UTF1: variants seen among roughly 807,000 people sequenced by gnomAD.
The protein encoded by UTF1 is undifferentiated embryonic cell transcription factor 1.
Under a neutral mutation model 11.8 loss-of-function variants are expected in UTF1, and 8 were observed. That is an observed-to-expected ratio of 0.68 (90% CI 0.40 to 1.23). UTF1 has a LOEUF of 1.23. UTF1 is among the 50% of genes most tolerant of loss of function. The pLI, the probability that UTF1 is intolerant of heterozygous loss-of-function variation, is 0.01. For missense variants in UTF1, 545 were observed against 542.1 expected, an observed-to-expected ratio of 1.01 and a Z score of -0.05; for synonymous variants, 344 against 271.7, an observed-to-expected ratio of 1.27 and a Z score of -2.62.
Position 133,230,235 on chromosome 10 carries a change from C to T in UTF1, c.-54C>T. On this transcript the variant is annotated 5_prime_UTR_variant, in exon 1 of 2. Coordinates refer to ENST00000304477, the MANE Select transcript of UTF1 (RefSeq NM_003577.3). ...GATGCTCAGAACGCGTGTGGGCGGCCCGGGCGGCGTCTGGCCCTCTCCCCA... is the reference window on the plus strand; with the variant it reads ...GATGCTCAGAACGCGTGTGGGCGGCTCGGGCGGCGTCTGGCCCTCTCCCCA... 1 of 1,029,040 alleles carries T rather than the reference C, an allele frequency of 9.7e-7. No individual in the cohort carries two copies. The allele number at this position is 1,029,040 out of a possible 1,614,324, so 63.7% of individuals were successfully genotyped here.
In UTF1 at chr10:133,230,684, G is replaced by A; in HGVS notation, c.396G>A (p.Pro132=). 1 of 1,487,782 alleles carries A rather than the reference G, an allele frequency of 6.7e-7. No individual in the cohort carries two copies. Among genetic ancestry groups the A allele is most frequent in the Non-Finnish European group, 8.9e-7 (1 of 1,126,884 alleles). The allele number at this position is 1,487,782 out of a possible 1,614,324, so 92.2% of individuals were successfully genotyped here. A position where few individuals can be genotyped will look rare whatever the true frequency, so the allele number is the denominator to read the frequency against. ...KDKFREAHGQ[P]PGPFDEQIRK... is the part of the protein sequence containing the mutation. ...AGTTTCGCGAGGCGCACGGCCAGCC[G>A]CCCGGGCCCTTCGACGAGCAGATCC... Residue 132 remains proline, a synonymous_variant, in exon 1 of 2, where the codon CCG becomes CCA. Coordinates refer to ENST00000304477, the MANE Select transcript of UTF1 (RefSeq NM_003577.3).
rs761337732 is a variant in UTF1 at position 133,231,353 on chromosome 10, G to C, written c.937G>C (p.Ala313Pro). The change falls in exon 2 of 2, where the codon GCC becomes CCC. Residue 313 changes from alanine to proline, a missense_variant. Physicochemically the swap from Ala to Pro is conservative, Grantham distance 27. This residue lies in a region of UTF1 where 394 missense variants were observed against 341.5 expected (regional missense o/e 1.15). Coordinates refer to ENST00000304477, the MANE Select transcript of UTF1 (RefSeq NM_003577.3). ...CCAGCACGTGGAGCAGCTGCGCGGCGCCTTCGACCAGACAGTGTCCCTGGC... is the reference window on the plus strand; with the variant it reads ...CCAGCACGTGGAGCAGCTGCGCGGCCCCTTCGACCAGACAGTGTCCCTGGC... ...LNQHVEQLRGAFDQTVSLAVG... is the reference protein window; with the variant it reads ...LNQHVEQLRGPFDQTVSLAVG... 1 of 1,596,600 alleles carries C rather than the reference G, an allele frequency of 6.3e-7. No homozygotes were observed. Among genetic ancestry groups the C allele is most frequent in the Non-Finnish European group, 8.5e-7 (1 of 1,175,952 alleles).
Position 133,230,493 on chromosome 10 carries a change from G to A in UTF1, c.205G>A (p.Glu69Lys). The A allele has an allele frequency of 2.8e-6, 4 of 1,443,900 alleles. No individual in the cohort carries two copies. Among genetic ancestry groups the A allele is most frequent in the South Asian group, 2.6e-5 (2 of 75,762 alleles). The allele number at this position is 1,443,900 out of a possible 1,614,324, so 89.4% of individuals were successfully genotyped here. A position where few individuals can be genotyped will look rare whatever the true frequency, so the allele number is the denominator to read the frequency against. Residue 69 changes from glutamate (E) to lysine (K), a missense_variant, in exon 1 of 2, where the codon GAG becomes AAG. Transcript: ENST00000304477. Reference sequence around the variant, plus strand: ...CACGCCCTGGAGCGCCCGGGAGACGGAGCTGCTGCTGGGGACGCTGCTGCA... The same window carrying A: ...CACGCCCTGGAGCGCCCGGGAGACGAAGCTGCTGCTGGGGACGCTGCTGCA... Reference protein sequence around the residue: ...QRTPWSARETELLLGTLLQPA... With the variant: ...QRTPWSARETKLLLGTLLQPA...
At position 133,231,373 on chromosome 10, in the gene UTF1, C is replaced by T. The variant is rs753862534; in HGVS notation, c.957C>T (p.Ser319=). The change falls in exon 2 of 2, where the codon TCC becomes TCT. Residue 319 remains serine (S), a synonymous_variant. Coordinates refer to ENST00000304477, the MANE Select transcript of UTF1 (RefSeq NM_003577.3). ...GCGGCGCCTTCGACCAGACAGTGTC[C>T]CTGGCCGTGGGCTTCATTCTGGGCA... ...QLRGAFDQTV[S]LAVGFILGSA... 19 of 1,593,484 alleles carry T rather than the reference C, an allele frequency of 1.2e-5. No homozygotes were observed. The highest frequency in any genetic ancestry group is 8.0e-5 in the African/African-American group (6 of 74,580).
In UTF1 at chr10:133,231,403, G is replaced by C; in HGVS notation, c.987G>C (p.Ala329=). Residue 329 remains alanine, a synonymous_variant, in exon 2 of 2, where the codon GCG becomes GCC. Transcript: ENST00000304477. The part of the protein sequence containing the change: ...SLAVGFILGS[A]AAERGVLRDP... ...CCGTGGGCTTCATTCTGGGCAGCGC[G>C]GCCGCCGAGCGAGGGGTCCTCAGGG... 1 of 1,552,522 alleles carries C rather than the reference G, an allele frequency of 6.4e-7. No individual in the cohort carries two copies. The highest frequency in any genetic ancestry group is 8.7e-7 in the Non-Finnish European group (1 of 1,153,852).
Position 133,230,258 on chromosome 10 carries a change from C to A in UTF1, c.-31C>A, listed in dbSNP as rs1845777989. On this transcript the variant is annotated 5_prime_UTR_variant, in exon 1 of 2. Coordinates refer to ENST00000304477, the MANE Select transcript of UTF1 (RefSeq NM_003577.3). ...GCCCGGGCGGCGTCTGGCCCTCTCCCCATCCTCGCGCGCCGCGCCCCAGCC... is the reference window on the plus strand; with the variant it reads ...GCCCGGGCGGCGTCTGGCCCTCTCCACATCCTCGCGCGCCGCGCCCCAGCC... The A allele has an allele frequency of 9.6e-7, 1 of 1,042,996 alleles. No homozygotes were observed. Among genetic ancestry groups the A allele is most frequent in the Admixed American group, 5.5e-5 (1 of 18,076 alleles). The allele number at this position is 1,042,996 out of a possible 1,614,324, so 64.6% of individuals were successfully genotyped here. A position where few individuals can be genotyped will look rare whatever the true frequency, so the allele number is the denominator to read the frequency against.
Position 133,231,293 on chromosome 10 carries a change from C to A in UTF1, c.877C>A (p.Leu293Met). 6.3e-7 allele frequency: 1 copy of A among 1,595,386 alleles called. No individual in the cohort carries two copies. ...GCACCTGGGCGACATCGCGAACATC[C>A]TGGGCCCGCTGCGCGACCAGCTGCT... ...LGHLGDIANI[L>M]GPLRDQLLTL... Residue 293 changes from leucine (L) to methionine (M), a missense_variant, in exon 2 of 2, where the codon CTG becomes ATG. Around this residue, in one of 3 missense-constraint regions of UTF1, gnomAD observed 394 missense variants for 341.5 expected, o/e 1.15. Coordinates refer to ENST00000304477, the MANE Select transcript of UTF1 (RefSeq NM_003577.3).
Position 133,230,420 on chromosome 10 carries a change from C to G in UTF1, c.132C>G (p.Ser44Arg). 1 of 1,358,882 alleles carries G rather than the reference C, an allele frequency of 7.4e-7. No individual in the cohort carries two copies. Among genetic ancestry groups the G allele is most frequent in the South Asian group, 1.6e-5 (1 of 63,036 alleles). 84.2% of individuals were successfully genotyped at this position (1,358,882 alleles called of 1,614,324 possible). ...GTPPRRPASPSALGELGLPVS... is the reference protein window; with the variant it reads ...GTPPRRPASPRALGELGLPVS... ...CGCCCCGGAGGCCCGCCTCGCCCAG[C>G]GCGCTGGGGGAACTCGGGTTGCCGG... is the stretch of plus-strand genomic sequence containing the variant. Residue 44 changes from serine to arginine, a missense_variant, in exon 1 of 2, where the codon AGC becomes AGG. Ser to Arg is a moderately radical substitution (Grantham distance 110, BLOSUM62 -1). This residue lies in a region of UTF1 where 129 missense variants were observed against 148.5 expected (regional missense o/e 0.87). Transcript: ENST00000304477.
At position 133,231,171 on chromosome 10, in the gene UTF1, G is replaced by A. The variant is rs1845794893; in HGVS notation, c.755G>A (p.Arg252His). Residue 252 changes from arginine (R) to histidine (H), a missense_variant, in exon 2 of 2, where the codon CGC becomes CAC. By Grantham distance (29) the Arg-to-His change is conservative. Coordinates refer to ENST00000304477, the MANE Select transcript of UTF1 (RefSeq NM_003577.3). ...GPGSPPPPPA[R>H]EDPDSPPGRP... The stretch of plus-strand genomic sequence containing the variant: ...GGGTCCCCGCCGCCACCCCCGGCCC[G>A]CGAAGACCCCGACTCGCCGCCCGGC... The A allele has an allele frequency of 2.3e-6, 3 of 1,290,778 alleles. No individual in the cohort carries two copies. The highest frequency in any genetic ancestry group is 4.7e-5 in the South Asian group (2 of 42,734). The allele number at this position is 1,290,778 out of a possible 1,614,324, so 80.0% of individuals were successfully genotyped here.
Position 133,231,352 on chromosome 10 carries a change from C to T in UTF1, c.936C>T (p.Gly312=). 3.8e-6 allele frequency: 6 copies of T among 1,596,590 alleles called. No individual in the cohort carries two copies. Among genetic ancestry groups the T allele is most frequent in the Non-Finnish European group, 5.1e-6 (6 of 1,175,908 alleles). The change falls in exon 2 of 2, where the codon GGC becomes GGT. Residue 312 remains glycine (G), a synonymous_variant. Transcript: ENST00000304477. ...ACCAGCACGTGGAGCAGCTGCGCGGCGCCTTCGACCAGACAGTGTCCCTGG... is the reference window on the plus strand; with the variant it reads ...ACCAGCACGTGGAGCAGCTGCGCGGTGCCTTCGACCAGACAGTGTCCCTGG... The part of the protein sequence containing the change: ...TLNQHVEQLR[G]AFDQTVSLAV...
At position 133,230,738 on chromosome 10, in the gene UTF1, C is replaced by G; in HGVS notation, c.450C>G (p.Asn150Lys). 1.4e-6 allele frequency: 2 copies of G among 1,422,332 alleles called. No individual in the cohort carries two copies. The highest frequency in any genetic ancestry group is 9.2e-7 in the Non-Finnish European group (1 of 1,089,426). 88.1% of individuals were successfully genotyped at this position (1,422,332 alleles called of 1,614,324 possible). A position where few individuals can be genotyped will look rare whatever the true frequency, so the allele number is the denominator to read the frequency against. ...AGCTCATGGGGCTGCTGGGCGACAA[C>G]GGGCGCAAACGGCCTCGCCGCCGCT... ...IRKLMGLLGD[N>K]GRKRPRRRSP... The change falls in exon 1 of 2, where the codon AAC becomes AAG. Residue 150 changes from asparagine to lysine, a missense_variant. By Grantham distance (94) the Asn-to-Lys change is moderately conservative. Around this residue, in one of 3 missense-constraint regions of UTF1, gnomAD observed 394 missense variants for 341.5 expected, o/e 1.15. Transcript: ENST00000304477.
chr10:133,230,999 G>A lies in UTF1; in HGVS notation c.583G>A (p.Asp195Asn). Reference protein sequence around the residue: ...ATPLPTARDRDADPTWTLRFS... With the variant: ...ATPLPTARDRNADPTWTLRFS... ...CCCGCTGCCCACCGCCCGCGACCGC[G>A]ACGCGGACCCCACCTGGACGCTCCG... Residue 195 changes from aspartate to asparagine, a missense_variant, in exon 2 of 2, where the codon GAC (aspartate) becomes AAC (asparagine). By Grantham distance (23) the Asp-to-Asn change is conservative. Coordinates refer to ENST00000304477, the MANE Select transcript of UTF1 (RefSeq NM_003577.3). 1 of 1,332,760 alleles carries A rather than the reference G, an allele frequency of 7.5e-7. No homozygotes were observed. The highest frequency in any genetic ancestry group is 9.6e-7 in the Non-Finnish European group (1 of 1,045,162). The allele number at this position is 1,332,760 out of a possible 1,614,324, so 82.6% of individuals were successfully genotyped here. A position where few individuals can be genotyped will look rare whatever the true frequency, so the allele number is the denominator to read the frequency against.
chr10:133,230,963 C>T lies in UTF1; in HGVS notation c.551-4C>T, dbSNP rs1261557384. The T allele has an allele frequency of 7.7e-7, 1 of 1,306,794 alleles. No individual in the cohort carries two copies. Among genetic ancestry groups the T allele is most frequent in the Non-Finnish European group, 9.7e-7 (1 of 1,032,176 alleles). 80.9% of individuals were successfully genotyped at this position (1,306,794 alleles called of 1,614,324 possible). On this transcript the variant is annotated splice_region_variant and splice_polypyrimidine_tract_variant and intron_variant, in intron 1 of 1. Coordinates refer to ENST00000304477, the MANE Select transcript of UTF1 (RefSeq NM_003577.3). ...CCGCCCGACCGCCTGCTCCGCGTTC[C>T]CAGACGCCACCCCGCTGCCCACCGC... is the stretch of plus-strand genomic sequence containing the variant.
In UTF1 at chr10:133,231,266, G is replaced by A. The variant is rs756113643; in HGVS notation, c.850G>A (p.Gly284Arg). ...GAACACCGCCCTGCTGCAGACCCTG[G>A]GGCACCTGGGCGACATCGCGAACAT... Reference protein sequence around the residue: ...SLNTALLQTLGHLGDIANILG... With the variant: ...SLNTALLQTLRHLGDIANILG... Residue 284 changes from glycine (G) to arginine (R), a missense_variant, in exon 2 of 2, where the codon GGG (glycine) becomes AGG (arginine). Around this residue, in one of 3 missense-constraint regions of UTF1, gnomAD observed 394 missense variants for 341.5 expected, o/e 1.15. Transcript: ENST00000304477. The A allele has an allele frequency of 1.3e-6, 2 of 1,583,710 alleles. No individual in the cohort carries two copies. Among genetic ancestry groups the A allele is most frequent in the Non-Finnish European group, 1.7e-6 (2 of 1,169,376 alleles).
rs769127143 is a variant in UTF1, at chr10:133,231,292, C to T, written c.876C>T (p.Ile292=). 182 of 1,595,366 alleles carry T rather than the reference C, an allele frequency of 1.1e-4. No homozygotes were observed. The highest frequency in any genetic ancestry group is 4.1e-4 in the East Asian group (18 of 44,238). Reference sequence around the variant, plus strand: ...GGCACCTGGGCGACATCGCGAACATCCTGGGCCCGCTGCGCGACCAGCTGC... The same window carrying T: ...GGCACCTGGGCGACATCGCGAACATTCTGGGCCCGCTGCGCGACCAGCTGC... ...TLGHLGDIAN[I]LGPLRDQLLT... The change falls in exon 2 of 2, where the codon ATC becomes ATT. Residue 292 remains isoleucine, a synonymous_variant. Coordinates refer to ENST00000304477, the MANE Select transcript of UTF1 (RefSeq NM_003577.3).
chr10:133,230,859 C>G, intron 1 of UTF1, 21 bp downstream of exon 1: 1 of 1,290,280 alleles, frequency 7.8e-7, no homozygotes, highest in Non-Finnish European at 9.8e-7. Flanking sequence ...GACTGGGGGG[C>G]CAGGTGGGGC....
rs1845777416 is a variant in UTF1 at position 133,230,236 on chromosome 10, C to T, written c.-53C>T. The T allele has an allele frequency of 2.9e-6, 3 of 1,028,680 alleles. No homozygotes were observed. The highest frequency in any genetic ancestry group is 2.3e-6 in the Non-Finnish European group (2 of 859,750). The allele number at this position is 1,028,680 out of a possible 1,614,324, so 63.7% of individuals were successfully genotyped here. ...ATGCTCAGAACGCGTGTGGGCGGCC[C>T]GGGCGGCGTCTGGCCCTCTCCCCAT... On this transcript the variant is annotated 5_prime_UTR_variant, in exon 1 of 2. Coordinates refer to ENST00000304477, the MANE Select transcript of UTF1 (RefSeq NM_003577.3).
rs1384055166 is a variant in UTF1 at position 133,230,456 on chromosome 10, C to A, written c.168C>A (p.Gly56=). ...AACTCGGGTTGCCGGTGTCCCCGGG[C>A]TCGGCGCAGCGCACGCCCTGGAGCG... The part of the protein sequence containing the change: ...LGELGLPVSP[G]SAQRTPWSAR... Residue 56 remains glycine (G), a synonymous_variant, in exon 1 of 2, where the codon GGC becomes GGA. Coordinates refer to ENST00000304477, the MANE Select transcript of UTF1 (RefSeq NM_003577.3). The A allele has an allele frequency of 5.0e-6, 7 of 1,409,044 alleles. No individual in the cohort carries two copies. The highest frequency in any genetic ancestry group is 1.5e-5 in the African/African-American group (1 of 66,474). The allele number at this position is 1,409,044 out of a possible 1,614,324, so 87.3% of individuals were successfully genotyped here. A position where few individuals can be genotyped will look rare whatever the true frequency, so the allele number is the denominator to read the frequency against.
At position 133,230,852 on chromosome 10, in the gene UTF1, T is replaced by TG. The variant is rs1341625902; in HGVS notation, c.550+20dup. ...CCAGCGAACCAGGTAGGCGGGGGAC[T>TG]GGGGGGCCAGGTGGGGCCGAGGACT... On this transcript the variant is annotated intron_variant, in intron 1 of 1. Coordinates refer to ENST00000304477, the MANE Select transcript of UTF1 (RefSeq NM_003577.3). 10 of 1,294,190 alleles carry TG rather than the reference T, an allele frequency of 7.7e-6. No individual in the cohort carries two copies. Among genetic ancestry groups the TG allele is most frequent in the South Asian group, 2.4e-5 (1 of 40,934 alleles). 80.2% of individuals were successfully genotyped at this position (1,294,190 alleles called of 1,614,324 possible).
Sources: allele counts gnomAD v4.1 joint callset, GRCh38; gene constraint gnomAD v4.1.1; regional missense constraint gnomAD v4.1.1; transcripts MANE v1.5; gene names NCBI Gene and HGNC (gene_info 2026-07-23, HGNC 2026-07-21).